The following SLC2A9 variants were observed in gnomAD, a reference collection of about 807,000 sequenced individuals.
The protein encoded by SLC2A9 is solute carrier family 2, facilitated glucose transporter member 9.
SLC2A9 carries 39 observed loss-of-function variants against 50.6 expected under a neutral mutation model. The ratio of observed to expected loss-of-function variants is 0.77; its 90% CI spans 0.60 to 1.01. The LOEUF (loss-of-function observed/expected upper bound fraction) is 1.01. Ranked by LOEUF, SLC2A9 falls within the 50% of genes least tolerant of loss-of-function variation. SLC2A9 has a pLI of 0.00. For synonymous variants in SLC2A9, 324 were observed against 276.9 expected, an observed-to-expected ratio of 1.17 and a Z score of -1.69; for missense variants, 686 against 677.6, an observed-to-expected ratio of 1.01 and a Z score of -0.14.
At chr4:9,987,908 A>G (rs561373623) in intron 3 of SLC2A9, among the ~76,000 whole-genome samples, 1 of 152,360 alleles carries the variant, frequency 6.6e-6, no homozygotes, top group South Asian at 2.1e-4. Context: ...CCAGGGAGCA[A>G]GCAGTAGAAA....
chr4:9,919,866 A>G (rs1743576072), intron 7 of SLC2A9, among the ~76,000 whole-genome samples: 1 of 152,108 alleles, frequency 6.6e-6, no homozygotes, highest in Admixed American at 6.5e-5. Flanking sequence ...GGGAGAGGAG[A>G]CTGCTGTGAA....
At chr4:9,879,787 T>C (rs1432892024) in intron 10 of SLC2A9, 1 of 985,360 alleles carries the variant, frequency 1.0e-6, no homozygotes, top group Admixed American at 6.1e-5. Flanking sequence ...TGACACATTT[T>C]GGCAACGATC....
rs1272322308 is a variant in SLC2A9 at position 9,782,521 on chromosome 4, A to G, written n.386-2456T>C. The G allele has an allele frequency of 3.1e-6, 5 of 1,613,856 alleles. No homozygotes were observed. In the African/African-American group the frequency reaches 4.0e-5, roughly 13 times the overall value. On this transcript the variant is annotated intron_variant and non_coding_transcript_variant, in intron 3 of 3. Transcript: ENST00000503803. Reference sequence around the variant, plus strand: ...TGGCCTTGGTCATGGTCGGCCTGGCATGGACCTTGTCCATCCTCATCTCCT... The same window carrying G: ...TGGCCTTGGTCATGGTCGGCCTGGCGTGGACCTTGTCCATCCTCATCTCCT...
intron 3 of SLC2A9, among the ~76,000 whole-genome samples, chr4:9,802,962 T>A (rs955265199): frequency 1.3e-5 from 2 of 152,192 alleles, no homozygotes; most frequent in East Asian, 1.9e-4. Flanking sequence ...TTCCCCAGAA[T>A]ACTTTGTAGA....
At chr4:9,880,516 T>C (rs1365044865) in intron 10 of SLC2A9, 1 of 984,858 alleles carries the variant, frequency 1.0e-6, no homozygotes, top group African/African-American at 1.8e-5. Flanking sequence ...AGAATCAGGA[T>C]CATTGCAAAA....
chr4:10,011,847 A>G (rs1362246869), intron 2 of SLC2A9, among the ~76,000 whole-genome samples: 1 of 152,240 alleles, frequency 6.6e-6, no homozygotes, highest in Non-Finnish European at 1.5e-5. Flanking sequence ...GATGCTATGC[A>G]GCATAGGCTG....
intron 10 of SLC2A9, among the ~76,000 whole-genome samples, chr4:9,866,401 C>T (rs551491446): frequency 9.9e-5 from 15 of 152,212 alleles, no homozygotes; most frequent in East Asian, 1.9e-4. Flanking sequence ...ACCCGCCAAG[C>T]GTTTCCCATT....
chr4:9,942,325 C>T (rs1389829752), intron 5 of SLC2A9, among the ~76,000 whole-genome samples: 1 of 152,214 alleles, frequency 6.6e-6, no homozygotes, highest in African/African-American at 2.4e-5. Context: ...GCCAAGGCCA[C>T]TCAAGGGCTG....
At chr4:9,879,557 TCCTTTTTCCA>T in intron 10 of SLC2A9, 1 of 985,130 alleles carries the variant, frequency 1.0e-6, no homozygotes, top group Non-Finnish European at 1.2e-6. Flanking sequence ...TCCAGAGGGG[TCCTTTTTCCA>T]AGCAAGGTAT....
intron 2 of SLC2A9, among the ~76,000 whole-genome samples, chr4:9,999,973 G>A (rs924566206): frequency 4.6e-5 from 7 of 152,070 alleles, no homozygotes; most frequent in African/African-American, 1.7e-4. Context: ...GAGAACAGAT[G>A]GTGTTGCAGA....
At chr4:10,016,013 C>T (rs1762548008) in intron 2 of SLC2A9, among the ~76,000 whole-genome samples, 1 of 152,196 alleles carries the variant, frequency 6.6e-6, no homozygotes, top group African/African-American at 2.4e-5. Flanking sequence ...GCAGATGGCT[C>T]AGTCCTGGAC....
downstream of SLC2A9, among the ~76,000 whole-genome samples, chr4:9,797,015 C>T (rs1216919051): frequency 6.6e-6 from 1 of 152,162 alleles, no homozygotes; most frequent in Non-Finnish European, 1.5e-5. Context: ...TAATACAATA[C>T]TATGATCTAC....
intron 3 of SLC2A9, among the ~76,000 whole-genome samples, chr4:9,819,964 A>G (rs1724183021): frequency 6.6e-6 from 1 of 152,268 alleles, no homozygotes; most frequent in Non-Finnish European, 1.5e-5. Context: ...AACCCCCAGT[A>G]TCTTTCAAAG....
At chr4:9,879,530 T>G in intron 10 of SLC2A9, 2 of 985,310 alleles carry the variant, frequency 2.0e-6, no homozygotes, top group South Asian at 9.4e-5. Context: ...CAAATGCTGA[T>G]ACGCCCCTGC....
chr4:9,830,309 A>G (rs1461912228), intron 11 of SLC2A9, among the ~76,000 whole-genome samples: 1 of 152,240 alleles, frequency 6.6e-6, no homozygotes, highest in African/African-American at 2.4e-5. Flanking sequence ...TGGGAGCTGA[A>G]CAACGAGAAC....
chr4:9,980,756 G>T lies in SLC2A9; in HGVS notation c.536-19C>A. 6.2e-7 allele frequency: 1 copy of T among 1,614,198 alleles called. No homozygotes were observed. Among genetic ancestry groups the T allele is most frequent in the Non-Finnish European group, 8.5e-7 (1 of 1,180,028 alleles). On this transcript the variant is annotated intron_variant, in intron 4 of 11. Coordinates refer to ENST00000264784, the MANE Select transcript of SLC2A9 (RefSeq NM_020041.3). ...GCGACGCCTGTAGAGAGAAAGCATA[G>T]CAGCAGTTAGAGAGGTGTCTTCCCG...
At chr4:9,834,453 C>T (rs190234169) in intron 11 of SLC2A9, among the ~76,000 whole-genome samples, 36 of 152,286 alleles carry the variant, frequency 2.4e-4, no homozygotes, top group Non-Finnish European at 4.3e-4. Flanking sequence ...ATCACTGTCA[C>T]CCTTGGGACA....
chr4:9,781,350 G>A (rs1042666596), intron 3 of SLC2A9, among the ~76,000 whole-genome samples: 1 of 152,204 alleles, frequency 6.6e-6, no homozygotes, highest in Non-Finnish European at 1.5e-5. Context: ...AAGCCCTCGC[G>A]TCCTCATCCT....
intron 1 of SLC2A9, among the ~76,000 whole-genome samples, chr4:9,772,139 G>A (rs756850206): frequency 6.2e-4 from 94 of 152,302 alleles, no homozygotes; most frequent in Admixed American, 1.4e-3. Context: ...GTAGAATGTT[G>A]GATGGAGGAG....
Sources: gnomAD v4.1 joint callset for allele counts (sites outside exome capture counted in the v4.1 genomes callset) on GRCh38, gnomAD v4.1.1 for gene constraint, MANE v1.5 for transcripts, NCBI Gene and HGNC (gene_info 2026-07-23, HGNC 2026-07-21) for gene names.